Variants in DIDO1 observed in about 807,000 individuals in gnomAD.
DIDO1 encodes death inducer-obliterator 1.
DIDO1 carries 16 observed loss-of-function variants against 99.4 expected under a neutral mutation model. The observed-to-expected ratio is 0.16, with a 90% confidence interval of 0.11 to 0.24. DIDO1 has a LOEUF of 0.24. DIDO1 is among the 10% of genes least tolerant of loss of function. The pLI is 1.00. For missense variants in DIDO1, 2,996 were observed against 3,014.0 expected (o/e 0.99, Z 0.14); for synonymous variants, 1,366 against 1,239.1 (o/e 1.10, Z -2.15).
chr20:62,904,052 GTC>G (rs1201856617), intron 6 of DIDO1, among the ~76,000 whole-genome samples: 22 of 152,322 alleles, frequency 1.4e-4, no homozygotes, highest in African/African-American at 4.8e-4. Flanking sequence ...CACATGTGGA[GTC>G]TCTGGCAGCT....
At chr20:62,892,189 CCAAGGAAAAGAGTCA>C in intron 13 of DIDO1, 113 bp from the exon 14 acceptor site, 1 of 873,812 alleles carries the variant, frequency 1.1e-6, no homozygotes, top group South Asian at 1.8e-5. Flanking sequence ...TACAGCTATT[CCAAGGAAAAGAGTCA>C]CACTTGTATT....
chr20:62,937,182 G>A (rs2065397953), intron 1 of DIDO1, among the ~76,000 whole-genome samples: 1 of 152,220 alleles, frequency 6.6e-6, no homozygotes, highest in African/African-American at 2.4e-5. Context: ...CCTCACAGAT[G>A]AAATCAGGAG....
chr20:62,899,078 C>T (rs931159362), intron 6 of DIDO1, among the ~76,000 whole-genome samples: 1 of 152,126 alleles, frequency 6.6e-6, no homozygotes. Context: ...AGGCCTAGGG[C>T]GCTGGAGGCA....
intron 6 of DIDO1, among the ~76,000 whole-genome samples, chr20:62,903,416 G>C (rs1033028934): frequency 1.3e-5 from 2 of 152,198 alleles, no homozygotes; most frequent in Non-Finnish European, 2.9e-5. Context: ...GCAAGTGTGA[G>C]TCAGCTCATG....
At chr20:62,892,508 G>C (rs1351613322) in intron 13 of DIDO1, among the ~76,000 whole-genome samples, 1 of 152,204 alleles carries the variant, frequency 6.6e-6, no homozygotes, top group Non-Finnish European at 1.5e-5. Flanking sequence ...ACACCTGGCT[G>C]TGCCGGTGGC....
intron 1 of DIDO1, among the ~76,000 whole-genome samples, chr20:62,934,604 G>A (rs1313982948): frequency 6.6e-6 from 1 of 152,142 alleles, no homozygotes; most frequent in Non-Finnish European, 1.5e-5. Flanking sequence ...TCACTTCTCA[G>A]TACATAAGTG....
At chr20:62,930,611 A>G (rs576555546), upstream of DIDO1, among the ~76,000 whole-genome samples, 8 of 152,318 alleles carry the variant, frequency 5.3e-5, no homozygotes, top group Admixed American at 2.6e-4. Context: ...AAGGGAGGGA[A>G]ATGAGATGGG....
intron 6 of DIDO1, among the ~76,000 whole-genome samples, chr20:62,898,923 C>G (rs2064598432): frequency 6.6e-6 from 1 of 152,184 alleles, no homozygotes; most frequent in Non-Finnish European, 1.5e-5. Context: ...CTCAGTTTAA[C>G]TCATTAGACT....
chr20:62,902,307 A>C (rs1478132051), intron 6 of DIDO1, among the ~76,000 whole-genome samples: 1 of 152,216 alleles, frequency 6.6e-6, no homozygotes, highest in East Asian at 1.9e-4. Context: ...ACAGCCAAGA[A>C]ACTTCCAGTT....
chr20:62,924,835 T>A (rs570148849), intron 1 of DIDO1, among the ~76,000 whole-genome samples: 1 of 152,128 alleles, frequency 6.6e-6, no homozygotes, highest in Non-Finnish European at 1.5e-5. Flanking sequence ...CTTGACATAG[T>A]CTGAATTCAA....
intron 1 of DIDO1, among the ~76,000 whole-genome samples, chr20:62,921,848 C>T (rs2065142749): frequency 6.6e-6 from 1 of 150,574 alleles, no homozygotes; most frequent in South Asian, 2.1e-4. Flanking sequence ...TATATATCCA[C>T]TACATATACC....
At chr20:62,908,655 G>A (rs1159603444) in intron 4 of DIDO1, among the ~76,000 whole-genome samples, 1 of 152,106 alleles carries the variant, frequency 6.6e-6, no homozygotes, top group East Asian at 1.9e-4. Context: ...GTTTTATTGA[G>A]AATACAATTT....
chr20:62,935,308 A>C (rs777154494), intron 1 of DIDO1, among the ~76,000 whole-genome samples: 1 of 152,038 alleles, frequency 6.6e-6, no homozygotes, highest in Non-Finnish European at 1.5e-5. Context: ...TCATTCACTC[A>C]TTTATTCCTT....
intron 15 of DIDO1, among the ~76,000 whole-genome samples, chr20:62,886,100 C>T (rs558377097): frequency 1.3e-5 from 2 of 152,346 alleles, no homozygotes; most frequent in East Asian, 1.9e-4. Context: ...TGGCACAGGG[C>T]ACGGTAGGCT....
Position 62,888,626 on chromosome 20 carries a change from CAG to C in DIDO1, c.3541+2332_3541+2333del, listed in dbSNP as rs1491028911. On this transcript the variant is annotated intron_variant, in intron 15 of 15. Transcript: ENST00000395343. ...TCCGTGAGGACAGGGTCCGCTGAGACAGGGGAAACATGCCAGGACCTAGCCTT... is the reference window on the plus strand; with the variant it reads ...TCCGTGAGGACAGGGTCCGCTGAGACGGGAAACATGCCAGGACCTAGCCTT... 10 of 985,598 alleles carry C rather than the reference CAG, an allele frequency of 1.0e-5. No individual in the cohort carries two copies. The Admixed American group carries it at 1.8e-4, about 18-fold the overall frequency. The allele number at this position is 985,598 out of a possible 1,614,324, so 61.1% of individuals were successfully genotyped here. A position where few individuals can be genotyped will look rare whatever the true frequency, so the allele number is the denominator to read the frequency against.
At position 62,894,221 on chromosome 20, in the gene DIDO1, G is replaced by C; in HGVS notation, c.2573-27C>G. ...TGAAGAAGGCGAGGAAAGGCTCTGT[G>C]AGAAACCCAGCCGGCACACTGGTGT... On this transcript the variant is annotated intron_variant, in intron 11 of 15. Transcript: ENST00000395343. The surrounding 1 kb of genome is among the most constrained non-coding windows in gnomAD (Gnocchi z 4.4). The C allele has an allele frequency of 6.2e-7, 1 of 1,602,288 alleles. No homozygotes were observed. The highest frequency in any genetic ancestry group is 8.5e-7 in the Non-Finnish European group (1 of 1,171,798).
intron 15 of DIDO1, among the ~76,000 whole-genome samples, chr20:62,884,318 C>T (rs1221765976): frequency 3.3e-5 from 5 of 152,096 alleles, no homozygotes; most frequent in Non-Finnish European, 7.4e-5. Flanking sequence ...TCAAGAATGC[C>T]AAAGGGGAAT....
At chr20:62,905,484 G>A (rs975934664) in intron 6 of DIDO1, 1 of 1,549,192 alleles carries the variant, frequency 6.5e-7, no homozygotes, top group Non-Finnish European at 8.7e-7. Context: ...AAAAACTGAA[G>A]CGTATACAGC....
intron 1 of DIDO1, among the ~76,000 whole-genome samples, chr20:62,915,910 A>G (rs1391753115): frequency 6.6e-6 from 1 of 152,252 alleles, no homozygotes; most frequent in Non-Finnish European, 1.5e-5. Flanking sequence ...TTGAGTTCTG[A>G]GTAATCAGAA....
Sources: allele counts gnomAD v4.1 joint callset (sites outside exome capture counted in the v4.1 genomes callset), GRCh38; gene constraint gnomAD v4.1.1; non-coding constraint Gnocchi (gnomAD v3.1); transcripts MANE v1.5; gene names NCBI Gene and HGNC (gene_info 2026-07-23, HGNC 2026-07-21).